Variants in FER observed in about 807,000 individuals in gnomAD.
FER encodes the protein tyrosine-protein kinase Fer.
Under a neutral mutation model 111.0 loss-of-function variants are expected in FER, and 63 were observed. The observed-to-expected ratio is 0.57, with a 90% CI of 0.46 to 0.70. The LOEUF is 0.70. FER is among the 30% of genes least tolerant of loss of function. The pLI, the probability that FER is intolerant of heterozygous loss-of-function variation, is 0.00. For missense variants in FER, 914 were observed against 954.0 expected (o/e 0.96, Z 0.55); for synonymous variants, 327 against 313.9 (o/e 1.04, Z -0.44).
chr5:109,128,224 T>C (rs1404321871), intron 17 of FER, among the ~76,000 whole-genome samples: 2 of 151,872 alleles, frequency 1.3e-5, no homozygotes, highest in African/African-American at 4.8e-5. Flanking sequence ...TTGTGAGATA[T>C]ACAAGTTTTT....
rs189424825 is a variant in FER, at chr5:108,899,513, G to T, written c.1236+1665G>T. Among the ~76,000 whole-genome samples, 1,088 of 152,002 alleles carry T rather than the reference G, an allele frequency of 7.2e-3. 17 individuals carry two copies. Among genetic ancestry groups the T allele is most frequent in the African/African-American group, 0.025 (1,048 of 41,474 alleles). ...ACGTTGTGGAATTGGTTATTTAAAG[G>T]CTTGGCTGGGCGCGGTGGCTCACGC... On this transcript the variant is annotated intron_variant, in intron 10 of 19. Transcript: ENST00000281092.
chr5:108,912,940 G>T (rs776707445), intron 10 of FER, among the ~76,000 whole-genome samples: 28 of 152,156 alleles, frequency 1.8e-4, no homozygotes, highest in Non-Finnish European at 3.5e-4. Context: ...GTTGAGCCTA[G>T]ATGAGTACTC....
At chr5:109,114,212 T>C (rs1004054781) in intron 17 of FER, among the ~76,000 whole-genome samples, 4 of 152,138 alleles carry the variant, frequency 2.6e-5, no homozygotes, top group African/African-American at 9.6e-5. Context: ...GTAACTACTC[T>C]ATAGGCAAAT....
At chr5:108,942,501 A>G (rs1201631792) in intron 10 of FER, among the ~76,000 whole-genome samples, 1 of 152,182 alleles carries the variant, frequency 6.6e-6, no homozygotes, top group African/African-American at 2.4e-5. Context: ...ACAGCATGAC[A>G]AACTGAGTTA....
intron 17 of FER, among the ~76,000 whole-genome samples, chr5:109,147,508 A>G (rs973833269): frequency 3.3e-5 from 5 of 152,060 alleles, no homozygotes; most frequent in Non-Finnish European, 2.9e-5. Flanking sequence ...TTTCAAAAAA[A>G]GAAAAAAATT....
intron 17 of FER, among the ~76,000 whole-genome samples, chr5:109,119,838 A>C (rs577936022): frequency 2.0e-5 from 3 of 152,058 alleles, no homozygotes; most frequent in African/African-American, 7.2e-5. Context: ...ATGACATCTC[A>C]TTTTAGCTTT....
At chr5:109,172,313 G>T (rs907143945) in intron 17 of FER, among the ~76,000 whole-genome samples, 3 of 151,822 alleles carry the variant, frequency 2.0e-5, no homozygotes, top group Non-Finnish European at 4.4e-5. Context: ...CATAAAAATC[G>T]ATGAGTTCAT....
intron 17 of FER, among the ~76,000 whole-genome samples, chr5:109,111,266 G>A (rs148749005): frequency 7.2e-5 from 11 of 152,138 alleles, no homozygotes; most frequent in African/African-American, 9.6e-5. Flanking sequence ...GTGAATAACC[G>A]TGTTGTTGCT....
chr5:108,749,750 AGTTAGAATTGGGGAGAT>A (rs1263289424), intron 1 of FER, among the ~76,000 whole-genome samples: 1 of 152,180 alleles, frequency 6.6e-6, no homozygotes, highest in African/African-American at 2.4e-5. Flanking sequence ...TCTCTTTGCC[AGTTAGAATTGGGGAGAT>A]GTTTGGAGGC....
At chr5:108,943,705 T>C (rs1756578448) in intron 10 of FER, among the ~76,000 whole-genome samples, 1 of 151,992 alleles carries the variant, frequency 6.6e-6, no homozygotes, top group South Asian at 2.1e-4. Flanking sequence ...TAGGTATTTT[T>C]TTAATAGAGT....
At chr5:109,121,364 G>A (rs1750949943) in intron 17 of FER, among the ~76,000 whole-genome samples, 1 of 152,178 alleles carries the variant, frequency 6.6e-6, no homozygotes, top group East Asian at 1.9e-4. Flanking sequence ...TATGGTTTTT[G>A]TCCTCCATTC....
chr5:109,056,026 G>A (rs2149946506), intron 16 of FER, among the ~76,000 whole-genome samples: 1 of 152,294 alleles, frequency 6.6e-6, no homozygotes, highest in Non-Finnish European at 1.5e-5. Flanking sequence ...ACCACTGTGA[G>A]ATAGCACCTT....
intron 5 of FER, among the ~76,000 whole-genome samples, chr5:108,861,071 G>T (rs979603882): frequency 6.6e-6 from 1 of 152,142 alleles, no homozygotes; most frequent in Admixed American, 6.5e-5. Context: ...TGAGATTTGG[G>T]TGGGGACATA....
At chr5:108,817,137 A>AAAAAAAATT (rs1758370825) in intron 3 of FER, among the ~76,000 whole-genome samples, 1 of 141,508 alleles carries the variant, frequency 7.1e-6, no homozygotes, top group Non-Finnish European at 1.5e-5. Context: ...AAAAAAAAAA[A>AAAAAAAATT]GCTTGCAGTT....
chr5:108,924,779 A>T, intron 10 of FER: 4 of 1,232,090 alleles, frequency 3.2e-6, no homozygotes, highest in Non-Finnish European at 3.0e-6. Context: ...TCAGAAGTCC[A>T]CAGAGATCAG....
intron 13 of FER, among the ~76,000 whole-genome samples, chr5:109,028,565 T>C (rs1769114704): frequency 6.6e-6 from 1 of 152,206 alleles, no homozygotes; most frequent in Admixed American, 6.5e-5. Flanking sequence ...ACATTGTTTC[T>C]GCCATTTGCT....
At chr5:108,954,292 A>C (rs1414826033) in intron 11 of FER, among the ~76,000 whole-genome samples, 1 of 152,130 alleles carries the variant, frequency 6.6e-6, no homozygotes, top group Non-Finnish European at 1.5e-5. Context: ...AATGTATGAC[A>C]CTGCTCAGAA....
At chr5:109,079,320 A>G (rs1345393053) in intron 16 of FER, among the ~76,000 whole-genome samples, 1 of 152,016 alleles carries the variant, frequency 6.6e-6, no homozygotes, top group African/African-American at 2.4e-5. Context: ...TTCACAAGGG[A>G]CGATGTTTAT....
chr5:108,969,474 T>C (rs757097424), intron 13 of FER, among the ~76,000 whole-genome samples: 2 of 152,180 alleles, frequency 1.3e-5, no homozygotes, highest in African/African-American at 2.4e-5. Flanking sequence ...ATTATAAGTC[T>C]GATTTTGCTT....
Sources: gnomAD v4.1 joint callset for allele counts (sites outside exome capture counted in the v4.1 genomes callset) on GRCh38, gnomAD v4.1.1 for gene constraint, MANE v1.5 for transcripts, NCBI Gene and HGNC (gene_info 2026-07-23, HGNC 2026-07-21) for gene names.